The following ZNF804B variants were observed in gnomAD, a reference collection of about 807,000 sequenced individuals.
ZNF804B encodes the protein zinc finger protein 804B, also known as zinc finger 804B.
ZNF804B carries 80 observed loss-of-function variants against 101.4 expected under a neutral mutation model. That is an observed-to-expected ratio of 0.79 (90% CI 0.66 to 0.95). The LOEUF is 0.95. Ranked by LOEUF, ZNF804B falls within the 40% of genes least tolerant of loss-of-function variation. ZNF804B has a pLI of 0.00. For missense variants in ZNF804B, 1,673 were observed against 1,561.9 expected (o/e 1.07, Z -1.20); for synonymous variants, 622 against 558.8 (o/e 1.11, Z -1.59).
At chr7:88,950,238 TTATC>T (rs1476834007) in intron 1 of ZNF804B, among the ~76,000 whole-genome samples, 3 of 152,082 alleles carry the variant, frequency 2.0e-5, no homozygotes, top group Admixed American at 6.6e-5. Context: ...TTTTATCTAT[TTATC>T]TATCTAAATT....
chr7:89,099,812 A>G (rs192349173), intron 1 of ZNF804B, among the ~76,000 whole-genome samples: 1 of 152,302 alleles, frequency 6.6e-6, no homozygotes, highest in Admixed American at 6.5e-5. Flanking sequence ...TAGAGATGAG[A>G]TGTAATACAG....
intron 2 of ZNF804B, among the ~76,000 whole-genome samples, chr7:89,281,726 T>G (rs956155326): frequency 1.3e-5 from 2 of 152,044 alleles, no homozygotes; most frequent in Non-Finnish European, 2.9e-5. Context: ...CAGACTGAAG[T>G]GTAGTGGTTG....
chr7:88,875,611 A>AGAAGTTGAATCTCTGAATCTATTC lies in ZNF804B; in HGVS notation c.108+115527_108+115528insGAAGTTGAATCTCTGAATCTATTC, dbSNP rs1791920496. On this transcript the variant is annotated intron_variant, in intron 1 of 3. Coordinates refer to ENST00000333190, the MANE Select transcript of ZNF804B (RefSeq NM_181646.5). ...TACACTCTCCCAAGACTAAACCAGG[A>AGAAGTTGAATCTCTGAATCTATTC]AGAAGTTGAATCTCTGAATAGACCA... Among the ~76,000 whole-genome samples, 4 of 152,138 alleles carry AGAAGTTGAATCTCTGAATCTATTC rather than the reference A, an allele frequency of 2.6e-5. No homozygotes were observed. The East Asian group carries it at 7.8e-4, about 30-fold the overall frequency.
chr7:89,213,430 T>C (rs1164650794), intron 1 of ZNF804B, among the ~76,000 whole-genome samples: 1 of 152,238 alleles, frequency 6.6e-6, no homozygotes, highest in Admixed American at 6.5e-5. Flanking sequence ...TCTGTGCTGG[T>C]ATTACCCATA....
intron 1 of ZNF804B, among the ~76,000 whole-genome samples, chr7:89,100,354 A>G (rs1790036196): frequency 6.6e-6 from 1 of 152,210 alleles, no homozygotes; most frequent in African/African-American, 2.4e-5. Context: ...TCCAACTATG[A>G]AACTACTACA....
intron 1 of ZNF804B, among the ~76,000 whole-genome samples, chr7:88,809,917 A>T (rs1790756075): frequency 6.6e-6 from 1 of 152,206 alleles, no homozygotes; most frequent in Non-Finnish European, 1.5e-5. Context: ...GTAGCGATGG[A>T]CCAACCTGAG....
chr7:89,099,557 G>A (rs894510103), intron 1 of ZNF804B, among the ~76,000 whole-genome samples: 3 of 152,064 alleles, frequency 2.0e-5, no homozygotes, highest in South Asian at 2.1e-4. Flanking sequence ...TCAGGTAGAC[G>A]GTGGGCTTCA....
chr7:88,864,444 A>G (rs1791696602), intron 1 of ZNF804B, among the ~76,000 whole-genome samples: 1 of 152,198 alleles, frequency 6.6e-6, no homozygotes, highest in Admixed American at 6.5e-5. Context: ...AAGTGATGCC[A>G]GGCAGGATGA....
At chr7:89,230,455 A>G (rs1411679604) in intron 2 of ZNF804B, among the ~76,000 whole-genome samples, 1 of 152,130 alleles carries the variant, frequency 6.6e-6, no homozygotes, top group Non-Finnish European at 1.5e-5. Context: ...AAAACAGATT[A>G]TCTGAATATT....
chr7:88,957,785 TC>T (rs1378825201), intron 1 of ZNF804B, among the ~76,000 whole-genome samples: 1 of 151,268 alleles, frequency 6.6e-6, no homozygotes, highest in Non-Finnish European at 1.5e-5. Flanking sequence ...CTTCTCTGGG[TC>T]CCTAAACTTT....
rs116644995 is a variant in ZNF804B at position 88,841,564 on chromosome 7, C to T, written c.108+81480C>T. Among the ~76,000 whole-genome samples, 546 of 152,252 alleles carry T rather than the reference C, an allele frequency of 3.6e-3. 7 individuals carry two copies. Among genetic ancestry groups the T allele is most frequent in the African/African-American group, 0.012 (510 of 41,560 alleles). ...GAACCTTCCTAGACTCTTTGTAGCTCTTCCTTTGGCTGATTTCAGTTTGTG... is the reference window on the plus strand; with the variant it reads ...GAACCTTCCTAGACTCTTTGTAGCTTTTCCTTTGGCTGATTTCAGTTTGTG... On this transcript the variant is annotated intron_variant, in intron 1 of 3. Coordinates refer to ENST00000333190, the MANE Select transcript of ZNF804B (RefSeq NM_181646.5).
intron 1 of ZNF804B, among the ~76,000 whole-genome samples, chr7:89,212,222 T>C (rs1393324215): frequency 6.7e-6 from 1 of 150,194 alleles, no homozygotes; most frequent in African/African-American, 2.5e-5. Flanking sequence ...TTGTGAAAAA[T>C]AATTTTATAG....
chr7:89,206,616 G>A (rs531573113), intron 1 of ZNF804B, among the ~76,000 whole-genome samples: 9 of 152,210 alleles, frequency 5.9e-5, no homozygotes, highest in African/African-American at 2.2e-4. Context: ...GTCAGGCATG[G>A]TGGCTGGTGC....
intron 1 of ZNF804B, among the ~76,000 whole-genome samples, chr7:89,086,583 T>C (rs1789805703): frequency 1.3e-5 from 2 of 151,938 alleles, no homozygotes; most frequent in Admixed American, 1.3e-4. Context: ...ATAGAATATC[T>C]GGCCTTTTTA....
intron 2 of ZNF804B, among the ~76,000 whole-genome samples, chr7:89,218,683 A>G (rs1054911975): frequency 6.6e-6 from 1 of 152,180 alleles, no homozygotes; most frequent in South Asian, 2.1e-4. Flanking sequence ...TTGACCAGGA[A>G]GAAGTTTACT....
chr7:88,903,485 G>A (rs1321355816), intron 1 of ZNF804B, among the ~76,000 whole-genome samples: 2 of 152,156 alleles, frequency 1.3e-5, no homozygotes, highest in Non-Finnish European at 2.9e-5. Flanking sequence ...TGGGATTGCT[G>A]TGTTGAATCG....
chr7:89,061,272 A>T (rs911479460), intron 1 of ZNF804B, among the ~76,000 whole-genome samples: 1 of 151,996 alleles, frequency 6.6e-6, no homozygotes, highest in African/African-American at 2.4e-5. Context: ...CTTTCAAATA[A>T]TTTTTTAAAA....
Position 89,285,522 on chromosome 7 carries a change from C to CAAAAA in ZNF804B, c.250-41800_250-41796dup, listed in dbSNP as rs778078214. ...TGGGCGAGAGAGCGAGACTCTGTCT[C>CAAAAA]AAAAAAAAAAAAAAAAAAAAAAAAA... On this transcript the variant is annotated intron_variant, in intron 2 of 3. Transcript: ENST00000333190. 8.1e-3 allele frequency among the ~76,000 whole-genome samples: 182 copies of CAAAAA among 22,376 alleles called. 16 individuals carry two copies. The highest frequency in any genetic ancestry group is 0.02 in the East Asian group (7 of 342). 14.7% of individuals were successfully genotyped at this position (22,376 alleles called of 152,430 possible).
intron 2 of ZNF804B, among the ~76,000 whole-genome samples, chr7:89,267,168 T>C (rs1335036696): frequency 2.6e-5 from 4 of 152,148 alleles, no homozygotes; most frequent in Admixed American, 1.3e-4. Flanking sequence ...GTTTCACCTT[T>C]TTAACCCATT....
Sources: gnomAD v4.1 joint callset for allele counts (sites outside exome capture counted in the v4.1 genomes callset) on GRCh38, gnomAD v4.1.1 for gene constraint, MANE v1.5 for transcripts, NCBI Gene and HGNC (gene_info 2026-07-23, HGNC 2026-07-21) for gene names.